The following DYNC2LI1 variants were observed in gnomAD, a reference collection of about 807,000 sequenced individuals.
DYNC2LI1 encodes dynein cytoplasmic 2 light intermediate chain 1.
Under a neutral mutation model 51.9 loss-of-function variants are expected in DYNC2LI1, and 45 were observed. The ratio of observed to expected loss-of-function variants is 0.87; its 90% CI spans 0.68 to 1.11. The LOEUF is 1.11. DYNC2LI1 is among the 50% of genes most tolerant of loss of function. The pLI is 0.00. For missense variants in DYNC2LI1, 490 were observed against 417.4 expected, an observed-to-expected ratio of 1.17 and a Z score of -1.51; for synonymous variants, 130 against 137.8, an observed-to-expected ratio of 0.94 and a Z score of 0.40.
chr2:43,827,907 G>T, the DYNC2LI1 span: 14 of 1,598,514 alleles, frequency 8.8e-6, no homozygotes, highest in Non-Finnish European at 1.2e-5. Flanking sequence ...GGACCGTGAA[G>T]AAAGGGCCCA....
chr2:43,820,183 CT>C, the DYNC2LI1 span: 4 of 1,505,672 alleles, frequency 2.7e-6, no homozygotes, highest in Non-Finnish European at 3.6e-6. Context: ...TGAATAAATC[CT>C]TTGTGGTGAG....
the DYNC2LI1 span, among the ~76,000 whole-genome samples, chr2:43,817,739 G>A: frequency 5.9e-5 from 9 of 151,856 alleles, no homozygotes; most frequent in South Asian, 2.1e-4. Context: ...GTGAAACCAC[G>A]TCTCTACTAA....
At chr2:43,796,637 C>A in intron 7 of DYNC2LI1, 81 bp from the exon 8 acceptor site, 1 of 992,032 alleles carries the variant, frequency 1.0e-6, no homozygotes, top group Non-Finnish European at 1.5e-6. Flanking sequence ...AAGAAATAAT[C>A]TATTCTACAT....
the DYNC2LI1 span, among the ~76,000 whole-genome samples, chr2:43,818,149 C>T: frequency 6.6e-6 from 1 of 152,060 alleles, no homozygotes; most frequent in Non-Finnish European, 1.5e-5. Context: ...GATTGTATGG[C>T]TACTCAAAAT....
the DYNC2LI1 span, among the ~76,000 whole-genome samples, chr2:43,818,591 C>G: frequency 6.6e-6 from 1 of 151,946 alleles, no homozygotes; most frequent in Non-Finnish European, 1.5e-5. Flanking sequence ...GAAATGCTGC[C>G]CAAGGTTGGC....
intron 1 of DYNC2LI1, among the ~76,000 whole-genome samples, 174 bp from the exon 2 acceptor site, chr2:43,776,608 A>G (rs1479395438): frequency 6.6e-6 from 1 of 152,252 alleles, no homozygotes; most frequent in Admixed American, 6.5e-5. Flanking sequence ...CAACAAAAGA[A>G]AAATAAAATC....
At chr2:43,810,998 C>T (rs1362715187), downstream of DYNC2LI1, among the ~76,000 whole-genome samples, 1 of 152,216 alleles carries the variant, frequency 6.6e-6, no homozygotes, top group Non-Finnish European at 1.5e-5. Flanking sequence ...AAGGTGCTAT[C>T]ACTAACATTT....
the DYNC2LI1 span, among the ~76,000 whole-genome samples, chr2:43,822,137 C>T: frequency 6.6e-6 from 1 of 152,134 alleles, no homozygotes; most frequent in African/African-American, 2.4e-5. Flanking sequence ...CCCTGTAACA[C>T]CAAGTTTCTC....
chr2:43,809,924 T>C lies in DYNC2LI1; in HGVS notation c.*157T>C, dbSNP rs185237924. The C allele has an allele frequency of 2.7e-3, 3,704 of 1,365,596 alleles. 15 individuals carry two copies. The highest frequency in any genetic ancestry group is 2.6e-3 in the Non-Finnish European group (2,755 of 1,057,762). The allele number at this position is 1,365,596 out of a possible 1,614,324, so 84.6% of individuals were successfully genotyped here. On this transcript the variant is annotated 3_prime_UTR_variant, in exon 13 of 13. Coordinates refer to ENST00000260605, the MANE Select transcript of DYNC2LI1 (RefSeq NM_016008.4). ...TTGGACTAGTGCATCTCCCTGTATA[T>C]CTTGAAGCTTTTTAAAAGGAAAAAT...
At chr2:43,822,485 C>CCG in the DYNC2LI1 span, 1 of 925,952 alleles carries the variant, frequency 1.1e-6, no homozygotes, top group Non-Finnish European at 1.3e-6. Context: ...CAGGCCCCCC[C>CCG]CCATGCACCT....
At chr2:43,828,212 C>T in the DYNC2LI1 span, 1 of 1,558,010 alleles carries the variant, frequency 6.4e-7, no homozygotes, top group Non-Finnish European at 8.7e-7. Flanking sequence ...GCACACCGCC[C>T]AAGAATCCAA....
the DYNC2LI1 span, chr2:43,826,585 C>T: frequency 6.2e-7 from 1 of 1,610,538 alleles, no homozygotes; most frequent in Non-Finnish European, 8.5e-7. Flanking sequence ...GCTTAAAACT[C>T]AGAGTTCTGA....
Position 43,787,246 on chromosome 2 carries a change from A to G in DYNC2LI1, c.227A>G (p.Asn76Ser). 2 of 1,612,140 alleles carry G rather than the reference A, an allele frequency of 1.2e-6. No individual in the cohort carries two copies. Among genetic ancestry groups the G allele is most frequent in the South Asian group, 1.1e-5 (1 of 90,898 alleles). The change falls in exon 4 of 13, where the codon AAC becomes AGC. Residue 76 changes from asparagine to serine, a missense_variant. Asn to Ser is a conservative substitution (Grantham distance 46). Transcript: ENST00000260605. ...YTYGRRAKGH[N>S]TPKDIAHFWE... ...TATGGAAGAAGAGCAAAAGGGCACA[A>G]CACAGTAAGTGTCTTTTAAAGTGAC...
chr2:43,800,221 A>G (rs1380052536), intron 8 of DYNC2LI1, among the ~76,000 whole-genome samples: 1 of 152,196 alleles, frequency 6.6e-6, no homozygotes, highest in African/African-American at 2.4e-5. Context: ...AATAGTACCC[A>G]ACCCCTTTCA....
intron 12 of DYNC2LI1, among the ~76,000 whole-genome samples, chr2:43,805,915 A>T: frequency 6.7e-6 from 1 of 149,780 alleles, no homozygotes. Flanking sequence ...CGAGTCTCAC[A>T]CTGTCGCCCA....
chr2:43,822,652 G>A, the DYNC2LI1 span: 19 of 1,540,278 alleles, frequency 1.2e-5, no homozygotes, highest in Non-Finnish European at 1.7e-5. Context: ...TGTCCTGGAA[G>A]ATACGACATT....
At chr2:43,798,287 C>G (rs192108595) in intron 8 of DYNC2LI1, among the ~76,000 whole-genome samples, 17 of 152,178 alleles carry the variant, frequency 1.1e-4, no homozygotes, top group Admixed American at 1.1e-3. Flanking sequence ...GTTTTTATAC[C>G]TTTCAAAACA....
chr2:43,808,525 A>G (rs1177229050), intron 12 of DYNC2LI1, among the ~76,000 whole-genome samples: 1 of 152,336 alleles, frequency 6.6e-6, no homozygotes, highest in East Asian at 1.9e-4. Context: ...TTAGACATTG[A>G]ACAACATGTA....
intron 12 of DYNC2LI1, among the ~76,000 whole-genome samples, chr2:43,806,728 G>C (rs7564925): frequency 0.012 from 1,879 of 152,180 alleles, 47 homozygotes; most frequent in African/African-American, 0.042. Flanking sequence ...GGGTATTTGT[G>C]AGCATCATGA....
Sources: gnomAD v4.1 joint callset for allele counts (sites outside exome capture counted in the v4.1 genomes callset) on GRCh38, gnomAD v4.1.1 for gene constraint, MANE v1.5 for transcripts, NCBI Gene and HGNC (gene_info 2026-07-23, HGNC 2026-07-21) for gene names.